The following CLASP1 variants were observed in gnomAD, a reference collection of about 807,000 sequenced individuals.
CLASP1 encodes cytoplasmic linker associated protein 1.
CLASP1 carries 38 observed loss-of-function variants against 192.3 expected under a neutral mutation model. That is an observed-to-expected ratio of 0.20 (90% CI 0.15 to 0.26). The LOEUF is 0.26. CLASP1 is among the 10% of genes least tolerant of loss of function. The pLI is 1.00. For synonymous variants in CLASP1, 691 were observed against 712.8 expected (o/e 0.97, Z 0.49); for missense variants, 1,433 against 1,932.5 (o/e 0.74, Z 4.85).
intron 2 of CLASP1, among the ~76,000 whole-genome samples, chr2:121,604,069 G>A (rs1576394524): frequency 6.6e-6 from 1 of 152,070 alleles, no homozygotes; most frequent in South Asian, 2.1e-4. Context: ...GATATTAAAC[G>A]TTCCCAACAC....
chr2:121,610,972 T>G (rs111162266), intron 1 of CLASP1, among the ~76,000 whole-genome samples: 108 of 27,246 alleles, frequency 4.0e-3, no homozygotes, highest in South Asian at 8.9e-3. Context: ...GGAGGAGTTA[T>G]AGGAGGAAGA....
Position 121,518,235 on chromosome 2 carries a change from A to C in CLASP1, c.547-2473T>G, listed in dbSNP as rs967986791. Among the ~76,000 whole-genome samples the C allele has an allele frequency of 2.9e-5, 4 of 136,782 alleles. No homozygotes were observed. The East Asian group carries it at 1.0e-3, about 36-fold the overall frequency. 89.7% of individuals were successfully genotyped at this position (136,782 alleles called of 152,430 possible). On this transcript the variant is annotated intron_variant, in intron 6 of 39. Coordinates refer to ENST00000263710, the Ensembl canonical transcript of CLASP1. ...GACAGAGCGAGACCCCCGTCTCAAA[A>C]AAAAAAAAAAAAAAAAAAAAAGGAG...
At chr2:121,512,448 T>A (rs1208695228) in intron 7 of CLASP1, among the ~76,000 whole-genome samples, 2 of 152,226 alleles carry the variant, frequency 1.3e-5, no homozygotes, top group Admixed American at 6.5e-5. Context: ...TCTGAACATA[T>A]ATACATGAAC....
At chr2:121,476,225 G>A (rs1163768943) in intron 8 of CLASP1, among the ~76,000 whole-genome samples, 1 of 152,166 alleles carries the variant, frequency 6.6e-6, no homozygotes, top group Admixed American at 6.5e-5. Context: ...CTGAGGGATA[G>A]CCAGGGCCAG....
At chr2:121,381,111 A>G (rs1302962644) in intron 33 of CLASP1, among the ~76,000 whole-genome samples, 2 of 152,312 alleles carry the variant, frequency 1.3e-5, no homozygotes, top group African/African-American at 4.8e-5. Context: ...GTGTATCTAG[A>G]AACATTCATC....
At chr2:121,625,427 ATTTTTTTTT>A (rs397868546) in intron 1 of CLASP1, among the ~76,000 whole-genome samples, 3 of 95,752 alleles carry the variant, frequency 3.1e-5, no homozygotes, top group South Asian at 3.4e-4. Context: ...TCTTTCTTTC[ATTTTTTTTT>A]TTTTTTTTTT....
At chr2:121,387,687 T>TA (rs762100210) in intron 31 of CLASP1, 76 bp downstream of exon 32, 8 of 1,417,322 alleles carry the variant, frequency 5.6e-6, no homozygotes, top group Non-Finnish European at 7.9e-6. Flanking sequence ...GGTATTCTAT[T>TA]AGAGTAGGTT....
At chr2:121,506,287 A>G (rs2150280482) in intron 7 of CLASP1, among the ~76,000 whole-genome samples, 1 of 152,218 alleles carries the variant, frequency 6.6e-6, no homozygotes, top group South Asian at 2.1e-4. Context: ...CCCATTCCCA[A>G]AGAACTATCA....
At chr2:121,528,001 T>C in intron 4 of CLASP1, 111 bp from the exon 5 acceptor site, 1 of 709,186 alleles carries the variant, frequency 1.4e-6, no homozygotes, top group South Asian at 1.7e-5. Flanking sequence ...AGTCCCATCC[T>C]CTACCAACAC....
At chr2:121,599,315 C>A (rs1294209241) in intron 2 of CLASP1, among the ~76,000 whole-genome samples, 4 of 150,022 alleles carry the variant, frequency 2.7e-5, no homozygotes, top group African/African-American at 9.8e-5. Context: ...AACAGCCGGG[C>A]ACGGTGGCTC....
At chr2:121,626,606 A>G (rs1450901351) in intron 1 of CLASP1, among the ~76,000 whole-genome samples, 1 of 151,988 alleles carries the variant, frequency 6.6e-6, no homozygotes, top group African/African-American at 2.4e-5. Flanking sequence ...GTTTTGTTTT[A>G]GAGAGATGGG....
intron 23 of CLASP1, among the ~76,000 whole-genome samples, chr2:121,415,647 G>A (rs2078449697): frequency 6.6e-6 from 1 of 152,108 alleles, no homozygotes; most frequent in Admixed American, 6.5e-5. Context: ...AAAAACAAAA[G>A]ATAATATGCT....
chr2:121,639,554 T>G (rs754568972), intron 1 of CLASP1, among the ~76,000 whole-genome samples: 1 of 151,900 alleles, frequency 6.6e-6, no homozygotes, highest in Non-Finnish European at 1.5e-5. Context: ...TAATGCCACT[T>G]AATTGCATAC....
intron 29 of CLASP1, 36 bp from the exon 31 acceptor site, chr2:121,397,319 T>G: frequency 6.3e-7 from 1 of 1,581,478 alleles, no homozygotes; most frequent in Non-Finnish European, 8.7e-7. Flanking sequence ...TTAAGTACAC[T>G]TGATGAATCT....
chr2:121,360,054 G>T (rs1275293733), intron 37 of CLASP1, among the ~76,000 whole-genome samples: 1 of 152,214 alleles, frequency 6.6e-6, no homozygotes, highest in Non-Finnish European at 1.5e-5. Flanking sequence ...TACAGAAATT[G>T]TATTTCAAGA....
intron 2 of CLASP1, among the ~76,000 whole-genome samples, chr2:121,558,857 G>A (rs954045391): frequency 2.0e-5 from 3 of 152,182 alleles, no homozygotes; most frequent in African/African-American, 7.2e-5. Context: ...GAATTTCAGA[G>A]CGAGCCAGAT....
intron 8 of CLASP1, among the ~76,000 whole-genome samples, chr2:121,493,338 C>T (rs988701236): frequency 6.6e-6 from 1 of 152,124 alleles, no homozygotes; most frequent in East Asian, 1.9e-4. Context: ...AGAAATAAAT[C>T]CACACATCTA....
At chr2:121,433,334 A>G (rs2081776871) in intron 19 of CLASP1, among the ~76,000 whole-genome samples, 1 of 152,034 alleles carries the variant, frequency 6.6e-6, no homozygotes, top group African/African-American at 2.4e-5. Context: ...AGAAAAAAAA[A>G]AAAAAAGAAA....
At chr2:121,457,438 C>T (rs1292479370) in intron 14 of CLASP1, among the ~76,000 whole-genome samples, 2 of 149,122 alleles carry the variant, frequency 1.3e-5, no homozygotes, top group Non-Finnish European at 2.9e-5. Context: ...CACCCAAACT[C>T]ACTTTCTCTC....
Sources: gnomAD v4.1 joint callset for allele counts (sites outside exome capture counted in the v4.1 genomes callset) on GRCh38, gnomAD v4.1.1 for gene constraint, MANE v1.5 for transcripts, NCBI Gene and HGNC (gene_info 2026-07-23, HGNC 2026-07-21) for gene names.